PTPRD: variants seen among roughly 807,000 people sequenced by gnomAD.
PTPRD encodes protein tyrosine phosphatase receptor type D.
PTPRD carries 34 observed loss-of-function variants against 214.5 expected under a neutral mutation model. The observed-to-expected ratio is 0.16, with a 90% CI of 0.12 to 0.21. The LOEUF is 0.21. Among genes scored for constraint, PTPRD ranks in the 10% least tolerant of loss-of-function variants. The pLI, the probability that PTPRD is intolerant of heterozygous loss-of-function variation, is 1.00. For missense variants in PTPRD, 2,545 were observed against 2,398.7 expected (o/e 1.06, Z -1.27); for synonymous variants, 1,128 against 845.7 (o/e 1.33, Z -5.79).
At chr9:9,802,483 T>C (rs2022847466) in intron 5 of PTPRD, among the ~76,000 whole-genome samples, 1 of 151,864 alleles carries the variant, frequency 6.6e-6, no homozygotes, top group Admixed American at 6.6e-5. Context: ...AGGTTCAAAA[T>C]ATGAAATATC....
chr9:8,870,070 C>T (rs2154547461), intron 11 of PTPRD, among the ~76,000 whole-genome samples: 1 of 150,978 alleles, frequency 6.6e-6, no homozygotes, highest in African/African-American at 2.4e-5. Flanking sequence ...CTGTCATACT[C>T]AGGGAGAGAA....
chr9:8,761,669 T>C (rs10120474), intron 11 of PTPRD, among the ~76,000 whole-genome samples: 7,219 of 152,234 alleles, frequency 0.047, 430 homozygotes, highest in African/African-American at 0.14. Context: ...CTCATCTACA[T>C]GGATAATTTT....
chr9:8,670,017 C>T (rs979339271), intron 12 of PTPRD, among the ~76,000 whole-genome samples: 5 of 148,006 alleles, frequency 3.4e-5, no homozygotes, highest in African/African-American at 1.2e-4. Context: ...TGTTTTCTGC[C>T]TCTTTTTTTT....
chr9:8,551,647 C>T (rs2082139974), intron 14 of PTPRD, among the ~76,000 whole-genome samples: 2 of 152,200 alleles, frequency 1.3e-5, no homozygotes, highest in Non-Finnish European at 2.9e-5. Context: ...TTTTCAATTA[C>T]TTCATCATGA....
intron 2 of PTPRD, among the ~76,000 whole-genome samples, chr9:10,589,829 T>A (rs2074980342): frequency 6.6e-6 from 1 of 152,028 alleles, no homozygotes; most frequent in Non-Finnish European, 1.5e-5. Flanking sequence ...GAATTTACAT[T>A]TGAACAGGTG....
At chr9:9,316,777 C>G (rs1459548654) in intron 9 of PTPRD, among the ~76,000 whole-genome samples, 1 of 152,090 alleles carries the variant, frequency 6.6e-6, no homozygotes, top group African/African-American at 2.4e-5. Flanking sequence ...ATGCATTTCC[C>G]AAATTATTGT....
At chr9:8,664,757 T>A (rs2097137106) in intron 12 of PTPRD, among the ~76,000 whole-genome samples, 1 of 152,224 alleles carries the variant, frequency 6.6e-6, no homozygotes, top group African/African-American at 2.4e-5. Context: ...TTAAAATATT[T>A]CCCCAGTCAT....
chr9:10,278,083 T>C (rs763024940), intron 3 of PTPRD, among the ~76,000 whole-genome samples: 1 of 151,466 alleles, frequency 6.6e-6, no homozygotes, highest in Non-Finnish European at 1.5e-5. Flanking sequence ...TGGCGTGAAC[T>C]TGGGAGGTGG....
At chr9:8,357,341 C>T (rs2077218274) in intron 39 of PTPRD, among the ~76,000 whole-genome samples, 1 of 152,164 alleles carries the variant, frequency 6.6e-6, no homozygotes, top group Non-Finnish European at 1.5e-5. Context: ...AGCAGCTCAC[C>T]AAGAGATGCA....
At chr9:9,099,302 CAT>C (rs1266075179) in intron 10 of PTPRD, among the ~76,000 whole-genome samples, 3 of 152,088 alleles carry the variant, frequency 2.0e-5, no homozygotes, top group Non-Finnish European at 4.4e-5. Flanking sequence ...TTATTTGTCT[CAT>C]TATCTATAAA....
chr9:10,558,110 C>G (rs1474693154), intron 2 of PTPRD, among the ~76,000 whole-genome samples: 3 of 152,160 alleles, frequency 2.0e-5, no homozygotes, highest in Non-Finnish European at 4.4e-5. Context: ...ATTCCTTAAA[C>G]TGGACAAGGC....
chr9:9,659,104 G>A (rs1225745286), intron 7 of PTPRD, among the ~76,000 whole-genome samples: 1 of 151,968 alleles, frequency 6.6e-6, no homozygotes. Context: ...AAAAACAGTT[G>A]CTTTTTTATT....
Position 8,758,658 on chromosome 9 carries a change from T to C in PTPRD, c.-103-24712A>G, listed in dbSNP as rs555878196. Among the ~76,000 whole-genome samples, 269 of 152,268 alleles carry C rather than the reference T, an allele frequency of 1.8e-3. 1 individual carries two copies. The highest frequency in any genetic ancestry group is 6.1e-3 in the African/African-American group (253 of 41,528). ...TTTTAAAAAGAATTTCTGACTTAAT[T>C]GTCAATATTTATGGAGCTCATTTAA... On this transcript the variant is annotated intron_variant, in intron 11 of 45. Transcript: ENST00000381196.
At chr9:9,369,030 C>T (rs908403469) in intron 9 of PTPRD, among the ~76,000 whole-genome samples, 3 of 151,872 alleles carry the variant, frequency 2.0e-5, no homozygotes, top group South Asian at 2.1e-4. Flanking sequence ...CTTGTCCTTG[C>T]GATAGTTTGC....
chr9:10,593,243 C>G (rs1403105128), intron 2 of PTPRD, among the ~76,000 whole-genome samples: 2 of 151,972 alleles, frequency 1.3e-5, no homozygotes, highest in African/African-American at 4.8e-5. Flanking sequence ...ATAATTCAAA[C>G]AGTCTGGGGT....
chr9:9,525,627 A>G (rs995307054), intron 8 of PTPRD, among the ~76,000 whole-genome samples: 9 of 152,226 alleles, frequency 5.9e-5, no homozygotes, highest in Middle Eastern at 6.8e-3. Flanking sequence ...TTCAAATACA[A>G]GTGATTAAAT....
At chr9:10,279,154 T>C (rs541995766) in intron 3 of PTPRD, among the ~76,000 whole-genome samples, 2 of 151,968 alleles carry the variant, frequency 1.3e-5, no homozygotes, top group South Asian at 4.2e-4. Context: ...TTCTTACTGT[T>C]CTCCAATTCA....
chr9:9,333,504 TTA>T (rs3048057), intron 9 of PTPRD, among the ~76,000 whole-genome samples: 59,038 of 137,226 alleles, frequency 0.43, 12,766 homozygotes, highest in Non-Finnish European at 0.44. Context: ...ATATAGTATA[TTA>T]TATATATATA....
chr9:8,775,922 G>A lies in PTPRD; in HGVS notation c.-103-41976C>T, dbSNP rs941324604. On this transcript the variant is annotated intron_variant, in intron 11 of 45. Coordinates refer to ENST00000381196, the MANE Select transcript of PTPRD (RefSeq NM_002839.4). ...AAACTACTATTCACATGAACAGCTTGATGTTTCATTTAGGCTGGGCCAGTC... is the reference window on the plus strand; with the variant it reads ...AAACTACTATTCACATGAACAGCTTAATGTTTCATTTAGGCTGGGCCAGTC... Among the ~76,000 whole-genome samples, 9 of 152,246 alleles carry A rather than the reference G, an allele frequency of 5.9e-5. No homozygotes were observed. In the South Asian group the frequency reaches 1.0e-3, roughly 18 times the overall value.
Sources: gnomAD v4.1 joint callset for allele counts (sites outside exome capture counted in the v4.1 genomes callset) on GRCh38, gnomAD v4.1.1 for gene constraint, MANE v1.5 for transcripts, NCBI Gene and HGNC (gene_info 2026-07-23, HGNC 2026-07-21) for gene names.